Variants in RAB27B observed in about 807,000 individuals in gnomAD.
The protein encoded by RAB27B is RAB27B, member RAS oncogene family.
RAB27B carries 15 observed loss-of-function variants against 24.6 expected under a neutral mutation model. The observed-to-expected ratio is 0.61, with a 90% confidence interval of 0.41 to 0.94. The LOEUF (loss-of-function observed/expected upper bound fraction) is 0.94, where lower values mean the gene tolerates loss of function less well. Among genes scored for constraint, RAB27B ranks in the 40% least tolerant of loss-of-function variants. The pLI is 0.00. For missense variants in RAB27B, 261 were observed against 266.8 expected, an observed-to-expected ratio of 0.98 and a Z score of 0.15; for synonymous variants, 105 against 92.5, an observed-to-expected ratio of 1.14 and a Z score of -0.78.
intron 2 of RAB27B, among the ~76,000 whole-genome samples, chr18:54,795,512 A>C (rs1909388441): frequency 6.6e-6 from 1 of 152,194 alleles, no homozygotes; most frequent in Non-Finnish European, 1.5e-5. Context: ...CAGGGAAGAA[A>C]TGTGACTATG....
chr18:54,738,536 T>G (rs914012768), intron 2 of RAB27B, among the ~76,000 whole-genome samples: 1 of 152,198 alleles, frequency 6.6e-6, no homozygotes, highest in Non-Finnish European at 1.5e-5. Flanking sequence ...ATTGTAAGTT[T>G]CCTGATGCTT....
At chr18:54,855,492 T>A (rs1220030981) in intron 1 of RAB27B, among the ~76,000 whole-genome samples, 1 of 152,206 alleles carries the variant, frequency 6.6e-6, no homozygotes, top group Non-Finnish European at 1.5e-5. Flanking sequence ...TTAGCAGCCT[T>A]GGATACAAGA....
At chr18:54,838,887 A>G (rs924186685) in intron 1 of RAB27B, among the ~76,000 whole-genome samples, 4 of 152,108 alleles carry the variant, frequency 2.6e-5, no homozygotes, top group Non-Finnish European at 5.9e-5. Flanking sequence ...AAATTGATCA[A>G]CCTTTCACAT....
At chr18:54,742,739 A>G (rs1910105820) in intron 2 of RAB27B, among the ~76,000 whole-genome samples, 1 of 152,198 alleles carries the variant, frequency 6.6e-6, no homozygotes, top group African/African-American at 2.4e-5. Context: ...GAGTCTAACC[A>G]CAAGGAGGAT....
At chr18:54,854,550 A>T (rs946072580) in intron 1 of RAB27B, among the ~76,000 whole-genome samples, 2 of 152,116 alleles carry the variant, frequency 1.3e-5, no homozygotes, top group Non-Finnish European at 2.9e-5. Flanking sequence ...TTTTAAAAAC[A>T]TGTAGAGATT....
At chr18:54,760,150 C>T (rs1908138939) in intron 2 of RAB27B, among the ~76,000 whole-genome samples, 1 of 152,178 alleles carries the variant, frequency 6.6e-6, no homozygotes, top group Non-Finnish European at 1.5e-5. Context: ...CAAAGTTCTA[C>T]TCCTGCCGGT....
At chr18:54,818,866 CTGT>C (rs1261827493) in intron 2 of RAB27B, among the ~76,000 whole-genome samples, 2 of 152,120 alleles carry the variant, frequency 1.3e-5, no homozygotes, top group African/African-American at 4.8e-5. Flanking sequence ...CTCATCTCTT[CTGT>C]TAAGACTCAC....
At chr18:54,810,204 G>A (rs1423121556) in intron 2 of RAB27B, among the ~76,000 whole-genome samples, 1 of 152,112 alleles carries the variant, frequency 6.6e-6, no homozygotes, top group Non-Finnish European at 1.5e-5. Context: ...CTACTTTTGT[G>A]TGTATATTTT....
Position 54,741,785 on chromosome 18 carries a change from A to G in RAB27B, c.-20+23644A>G, listed in dbSNP as rs768650379. On this transcript the variant is annotated intron_variant, in intron 2 of 4. Transcript: ENST00000586570. Reference sequence around the variant, plus strand: ...CCAAAGTGCTGAGATTACAGGGGTGAACCACTGTACCTGGCCTCTAAGCTT... The same window carrying G: ...CCAAAGTGCTGAGATTACAGGGGTGGACCACTGTACCTGGCCTCTAAGCTT... 4.0e-4 allele frequency among the ~76,000 whole-genome samples: 61 copies of G among 152,300 alleles called. 1 individual carries two copies. In the Middle Eastern group the frequency reaches 0.02, roughly 51 times the overall value.
At chr18:54,854,670 G>T (rs1313942194) in intron 1 of RAB27B, among the ~76,000 whole-genome samples, 2 of 152,196 alleles carry the variant, frequency 1.3e-5, no homozygotes, top group Non-Finnish European at 2.9e-5. Context: ...CCTACTTTCA[G>T]AGTCCAGTCC....
chr18:54,871,379 T>C (rs1325891826), intron 1 of RAB27B, among the ~76,000 whole-genome samples: 1 of 152,194 alleles, frequency 6.6e-6, no homozygotes, highest in Non-Finnish European at 1.5e-5. Flanking sequence ...CCTGAGGCTA[T>C]CATTCAGACA....
chr18:54,882,831 G>A (rs973304452), intron 3 of RAB27B, among the ~76,000 whole-genome samples: 2 of 152,148 alleles, frequency 1.3e-5, no homozygotes, highest in African/African-American at 2.4e-5. Context: ...ATTACCTTAC[G>A]AGTGATGTCT....
chr18:54,745,761 T>A (rs910059262), intron 2 of RAB27B, among the ~76,000 whole-genome samples: 5 of 148,020 alleles, frequency 3.4e-5, no homozygotes, highest in Non-Finnish European at 7.4e-5. Flanking sequence ...TAAATATTTA[T>A]AAATATAAGT....
chr18:54,752,704 A>C (rs1907872799), intron 2 of RAB27B, among the ~76,000 whole-genome samples: 1 of 152,240 alleles, frequency 6.6e-6, no homozygotes, highest in Admixed American at 6.5e-5. Flanking sequence ...TGTTCCTCCC[A>C]GCAGCCAGGA....
intron 2 of RAB27B, among the ~76,000 whole-genome samples, chr18:54,722,444 A>G (rs922844057): frequency 2.6e-5 from 4 of 152,146 alleles, no homozygotes; most frequent in Admixed American, 1.3e-4. Flanking sequence ...AGATGACTAC[A>G]TCCACGGAGG....
At chr18:54,848,341 T>C (rs879019829) in intron 1 of RAB27B, among the ~76,000 whole-genome samples, 3 of 152,202 alleles carry the variant, frequency 2.0e-5, no homozygotes, top group Admixed American at 1.3e-4. Flanking sequence ...TTTTGCACTA[T>C]AGAGATTTTT....
At chr18:54,799,613 GATTTTTTTT>G (rs1210282721) in intron 2 of RAB27B, among the ~76,000 whole-genome samples, 6 of 110,432 alleles carry the variant, frequency 5.4e-5, no homozygotes, top group Non-Finnish European at 8.5e-5. Flanking sequence ...ATAATAAAAT[GATTTTTTTT>G]TTTTTTTTTT....
chr18:54,850,629 G>A (rs1038010142), intron 1 of RAB27B, among the ~76,000 whole-genome samples: 2 of 151,370 alleles, frequency 1.3e-5, no homozygotes, highest in Non-Finnish European at 2.9e-5. Context: ...GCCTCCCAAA[G>A]TGTTGGGATT....
chr18:54,815,879 C>T (rs1481121505), intron 2 of RAB27B, among the ~76,000 whole-genome samples: 1 of 152,120 alleles, frequency 6.6e-6, no homozygotes, highest in Non-Finnish European at 1.5e-5. Flanking sequence ...CCACCTCGGC[C>T]TCCCAAAGTG....
Sources: gnomAD v4.1 joint callset for allele counts (sites outside exome capture counted in the v4.1 genomes callset) on GRCh38, gnomAD v4.1.1 for gene constraint, MANE v1.5 for transcripts, NCBI Gene and HGNC (gene_info 2026-07-23, HGNC 2026-07-21) for gene names.